CRYBG3: variants seen among roughly 807,000 people sequenced by gnomAD.
CRYBG3 encodes very large A-kinase anchor protein.
A neutral mutation model predicts 244.2 loss-of-function variants in CRYBG3; 127 were observed. The ratio of observed to expected loss-of-function variants is 0.52; its 90% CI spans 0.45 to 0.60. CRYBG3 has a LOEUF of 0.60. CRYBG3 is among the 20% of genes least tolerant of loss of function. The pLI, the probability that CRYBG3 is intolerant of heterozygous loss-of-function variation, is 0.00. For missense variants in CRYBG3, 3,325 were observed against 3,442.5 expected (o/e 0.97, Z 0.85); for synonymous variants, 1,132 against 1,195.8 (o/e 0.95, Z 1.10).
At chr3:97,837,300 G>A (rs1446187833) in intron 1 of CRYBG3, among the ~76,000 whole-genome samples, 1 of 152,104 alleles carries the variant, frequency 6.6e-6, no homozygotes, top group Non-Finnish European at 1.5e-5. Flanking sequence ...CGGGAGTTGG[G>A]TCAGGTGGGC....
chr3:97,921,168 C>A (rs2039980777), intron 17 of CRYBG3, among the ~76,000 whole-genome samples: 1 of 139,030 alleles, frequency 7.2e-6, no homozygotes. Context: ...TTTCTTTCCC[C>A]TCTCTAAATT....
At chr3:97,851,065 G>A (rs2038979119) in intron 2 of CRYBG3, among the ~76,000 whole-genome samples, 5 of 151,758 alleles carry the variant, frequency 3.3e-5, no homozygotes, top group Admixed American at 1.3e-4. Context: ...TCTGGGAGGT[G>A]GAGGTTTTGG....
intron 1 of CRYBG3, among the ~76,000 whole-genome samples, chr3:97,836,379 T>A (rs545843121): frequency 3.3e-5 from 5 of 152,156 alleles, no homozygotes; most frequent in Admixed American, 6.5e-5. Context: ...TATATTCCGT[T>A]AATAGCCATT....
At chr3:97,901,955 GGTAACACATGAACAAAACATTC>G (rs2039710981) in intron 15 of CRYBG3, among the ~76,000 whole-genome samples, 1 of 152,036 alleles carries the variant, frequency 6.6e-6, no homozygotes, top group African/African-American at 2.4e-5. Context: ...CTGGATATTT[GGTAACACATGAACAAAACATTC>G]TTGCTTTACC....
chr3:97,859,380 C>T (rs189619857), intron 2 of CRYBG3, among the ~76,000 whole-genome samples: 1 of 152,238 alleles, frequency 6.6e-6, no homozygotes, highest in East Asian at 1.9e-4. Context: ...ATACCAGGTG[C>T]CACAGCACCC....
chr3:97,875,801 A>C lies in CRYBG3; in HGVS notation c.4607A>C (p.Lys1536Thr). ...AAGGATAATGAAATAAATATAGGGAAAATTGAACTTATACCTTCCATGTTA... is the reference window on the plus strand; with the variant it reads ...AAGGATAATGAAATAAATATAGGGACAATTGAACTTATACCTTCCATGTTA... ...HKKDNEINIGKIELIPSMLET... is the reference protein window; with the variant it reads ...HKKDNEINIGTIELIPSMLET... Residue 1536 changes from lysine to threonine, a missense_variant, in exon 4 of 22, where the codon AAA (lysine) becomes ACA (threonine). This residue lies in a region of CRYBG3 where 635 missense variants were observed against 771.7 expected (regional missense o/e 0.82). Transcript: ENST00000389622. 6 of 1,231,842 alleles carry C rather than the reference A, an allele frequency of 4.9e-6. No homozygotes were observed. Among genetic ancestry groups the C allele is most frequent in the Non-Finnish European group, 6.1e-6 (6 of 987,748 alleles). The allele number at this position is 1,231,842 out of a possible 1,614,324, so 76.3% of individuals were successfully genotyped here.
chr3:97,904,977 G>C (rs1448381399), intron 15 of CRYBG3, among the ~76,000 whole-genome samples: 1 of 148,678 alleles, frequency 6.7e-6, no homozygotes, highest in Non-Finnish European at 1.5e-5. Flanking sequence ...CTATGAGTGA[G>C]AATATGCGGT....
chr3:97,876,876 A>G lies in CRYBG3; in HGVS notation c.5682A>G (p.Lys1894=), dbSNP rs1281190162. Reference sequence around the variant, plus strand: ...CCATGCTTCCTGCATTTGAAAGTAAAACACCACAAGAGTATGCTGAAGGGA... The same window carrying G: ...CCATGCTTCCTGCATTTGAAAGTAAGACACCACAAGAGTATGCTGAAGGGA... ...GEAMLPAFES[K]TPQEYAEGSV... The change falls in exon 4 of 22, where the codon AAA becomes AAG. Residue 1894 remains lysine, a synonymous_variant. Transcript: ENST00000389622. The G allele has an allele frequency of 7.2e-7, 1 of 1,388,584 alleles. No homozygotes were observed. The highest frequency in any genetic ancestry group is 9.3e-7 in the Non-Finnish European group (1 of 1,071,696). 86.0% of individuals were successfully genotyped at this position (1,388,584 alleles called of 1,614,324 possible).
Position 97,877,079 on chromosome 3 carries a change from A to G in CRYBG3, c.5885A>G (p.Asp1962Gly). ...FQPGDTTVRL[D>G]KRMSLTAIYD... ...CCTGGGGATACCACAGTAAGACTAG[A>G]CAAAAGAATGTCTCTTACTGCAATA... Residue 1962 changes from aspartate (D) to glycine (G), a missense_variant, in exon 4 of 22, where the codon GAC (aspartate) becomes GGC (glycine). Transcript: ENST00000389622. The G allele has an allele frequency of 6.2e-7, 1 of 1,611,156 alleles. No homozygotes were observed.
At chr3:97,912,136 C>G in intron 15 of CRYBG3, 31 bp from the exon 16 acceptor site, 2 of 1,196,358 alleles carry the variant, frequency 1.7e-6, no homozygotes, top group Non-Finnish European at 2.4e-6. Context: ...CATTTTTTTT[C>G]TATTTAACTG....
In CRYBG3 at chr3:97,864,338, G is replaced by A. The variant is rs1463506881; in HGVS notation, c.338G>A (p.Ser113Asn). 3 of 1,535,836 alleles carry A rather than the reference G, an allele frequency of 2.0e-6. No individual in the cohort carries two copies. The highest frequency in any genetic ancestry group is 2.7e-5 in the African/African-American group (2 of 73,032). Reference protein sequence around the residue: ...SSTSDTKIGESDRQPKESFFQ... With the variant: ...SSTSDTKIGENDRQPKESFFQ... ...ACTTCAGATACCAAAATAGGAGAAA[G>A]TGACAGACAGCCAAAAGAAAGCTTT... The change falls in exon 3 of 22, where the codon AGT becomes AAT. Residue 113 changes from serine to asparagine, a missense_variant. Physicochemically the swap from Ser to Asn is conservative, Grantham distance 46. This residue lies in a region of CRYBG3 where 1,526 missense variants were observed against 1,443.2 expected (regional missense o/e 1.06). Transcript: ENST00000389622.
chr3:97,874,622 C>T lies in CRYBG3; in HGVS notation c.3428C>T (p.Ala1143Val). The T allele has an allele frequency of 1.3e-6, 2 of 1,536,060 alleles. No individual in the cohort carries two copies. Among genetic ancestry groups the T allele is most frequent in the Non-Finnish European group, 1.7e-6 (2 of 1,146,858 alleles). ...AAGATATCCATTGATTTCCCAACTG[C>T]TGCCCAATTTGACAATCTCGTGGAA... ...TGKISIDFPT[A>V]AQFDNLVEAE... is the part of the protein sequence containing the mutation. Residue 1143 changes from alanine to valine, a missense_variant, in exon 4 of 22, where the codon GCT becomes GTT. Transcript: ENST00000389622.
At chr3:97,829,587 A>G (rs1177581400) in intron 1 of CRYBG3, among the ~76,000 whole-genome samples, 2 of 152,200 alleles carry the variant, frequency 1.3e-5, no homozygotes, top group East Asian at 3.8e-4. Context: ...AAAGATTTAT[A>G]TTTTATTGGA....
intron 1 of CRYBG3, among the ~76,000 whole-genome samples, chr3:97,833,065 A>C (rs987300966): frequency 1.3e-5 from 2 of 152,156 alleles, no homozygotes; most frequent in African/African-American, 2.4e-5. Context: ...AGGAAACAAG[A>C]GATACTGGAG....
Position 97,872,570 on chromosome 3 carries a change from A to T in CRYBG3, c.1376A>T (p.Asn459Ile). 1 of 1,535,996 alleles carries T rather than the reference A, an allele frequency of 6.5e-7. No homozygotes were observed. The highest frequency in any genetic ancestry group is 1.7e-4 in the Middle Eastern group (1 of 5,990). Residue 459 changes from asparagine to isoleucine, a missense_variant, in exon 4 of 22, where the codon AAT (asparagine) becomes ATT (isoleucine). Transcript: ENST00000389622. ...EQESTNLPSP[N>I]KSIRHEHLQL... ...GAAAGTACAAATTTGCCAAGTCCAA[A>T]TAAATCAATTAGGCATGAACATCTG... is the stretch of plus-strand genomic sequence containing the variant.
At chr3:97,914,100 C>A (rs1053998576) in intron 16 of CRYBG3, among the ~76,000 whole-genome samples, 2 of 152,158 alleles carry the variant, frequency 1.3e-5, no homozygotes, top group Non-Finnish European at 2.9e-5. Context: ...CTAAATCAAG[C>A]AGTCCTTTCC....
chr3:97,905,845 C>A (rs2039767648), intron 15 of CRYBG3, among the ~76,000 whole-genome samples: 1 of 108,724 alleles, frequency 9.2e-6, no homozygotes, highest in Non-Finnish European at 2.0e-5. Context: ...ATGGTATTGC[C>A]TAGGTTTTCT....
rs569290959 is a variant in CRYBG3, at chr3:97,836,659, G to T, written c.150-6536G>T. 7.1e-4 allele frequency among the ~76,000 whole-genome samples: 108 copies of T among 152,268 alleles called. 1 individual carries two copies. Among genetic ancestry groups the T allele is most frequent in the African/African-American group, 2.5e-3 (105 of 41,566 alleles). On this transcript the variant is annotated intron_variant, in intron 1 of 21. Transcript: ENST00000389622. ...TCCCAAGGGTAATGTAGATCCCATG[G>T]CTTGAGCAGACCCTTTGGGAGGGTG... is the stretch of plus-strand genomic sequence containing the variant.
At chr3:97,884,680 A>G (rs974031886) in intron 7 of CRYBG3, among the ~76,000 whole-genome samples, 6 of 152,120 alleles carry the variant, frequency 3.9e-5, no homozygotes, top group African/African-American at 1.4e-4. Flanking sequence ...CAAGAATTAT[A>G]CATATGTTTT....
Sources: allele counts gnomAD v4.1 joint callset (sites outside exome capture counted in the v4.1 genomes callset), GRCh38; gene constraint gnomAD v4.1.1; regional missense constraint gnomAD v4.1.1; transcripts MANE v1.5; gene names NCBI Gene and HGNC (gene_info 2026-07-23, HGNC 2026-07-21).